The following SMOC2 variants were observed in gnomAD, a reference collection of about 807,000 sequenced individuals.
SMOC2 encodes SPARC related modular calcium binding 2.
A neutral mutation model predicts 61.4 loss-of-function variants in SMOC2; 39 were observed. That is an observed-to-expected ratio of 0.64 (90% CI 0.49 to 0.83). SMOC2 has a LOEUF of 0.83. SMOC2 is among the 40% of genes least tolerant of loss of function. The probability of loss-of-function intolerance (pLI) is 0.00; values close to 1 mark genes in which losing one functional copy is unlikely to be tolerated. For missense variants in SMOC2, 556 were observed against 592.9 expected, an observed-to-expected ratio of 0.94 and a Z score of 0.65; for synonymous variants, 247 against 239.9, an observed-to-expected ratio of 1.03 and a Z score of -0.27.
chr6:168,476,641 TG>T (rs1437063206), intron 1 of SMOC2, among the ~76,000 whole-genome samples: 2 of 152,108 alleles, frequency 1.3e-5, no homozygotes, highest in African/African-American at 4.8e-5. Flanking sequence ...TAGATGTGTG[TG>T]TGTACATACA....
chr6:168,573,754 T>G (rs1784729604), intron 7 of SMOC2, among the ~76,000 whole-genome samples: 1 of 152,108 alleles, frequency 6.6e-6, no homozygotes, highest in South Asian at 2.1e-4. Context: ...TGCAGGCTCA[T>G]CTCACCAGCC....
intron 1 of SMOC2, among the ~76,000 whole-genome samples, chr6:168,471,399 C>A (rs147686410): frequency 1.3e-5 from 2 of 152,178 alleles, no homozygotes; most frequent in African/African-American, 4.8e-5. Flanking sequence ...TTCATTCATG[C>A]GGTAACATAG....
chr6:168,468,574 G>A (rs538809381), intron 1 of SMOC2, among the ~76,000 whole-genome samples: 1 of 152,250 alleles, frequency 6.6e-6, no homozygotes, highest in Admixed American at 6.5e-5. Flanking sequence ...TCGCTTTACC[G>A]CCCAGGCTGG....
At chr6:168,469,883 T>C (rs1781932880) in intron 1 of SMOC2, among the ~76,000 whole-genome samples, 1 of 152,268 alleles carries the variant, frequency 6.6e-6, no homozygotes, top group Non-Finnish European at 1.5e-5. Context: ...CATTTGTCTT[T>C]CTCGTTGTCT....
At chr6:168,650,504 G>T (rs1787165090) in intron 9 of SMOC2, among the ~76,000 whole-genome samples, 177 bp from the exon 10 acceptor site, 1 of 152,286 alleles carries the variant, frequency 6.6e-6, no homozygotes, top group South Asian at 2.1e-4. Flanking sequence ...ATTAATAATA[G>T]CTATGGCTCA....
At position 168,475,108 on chromosome 6, in the gene SMOC2, G is replaced by A. The variant is rs1402275341; in HGVS notation, c.84+33654G>A. On this transcript the variant is annotated intron_variant, in intron 1 of 12. Coordinates refer to ENST00000356284, the MANE Select transcript of SMOC2 (RefSeq NM_001166412.2). The surrounding 1 kb of genome is among the most constrained non-coding windows in gnomAD (Gnocchi z 4.6). ...GCACTCATGCCATACACTCTTGTCA[G>A]CTGGTTTCTCATTTTAGGAAACCAC... Among the ~76,000 whole-genome samples the A allele has an allele frequency of 6.6e-6, 1 of 152,114 alleles. No individual in the cohort carries two copies. The highest frequency in any genetic ancestry group is 2.4e-5 in the African/African-American group (1 of 41,440).
chr6:168,581,361 T>C (rs1444599032), intron 7 of SMOC2, among the ~76,000 whole-genome samples: 2 of 152,120 alleles, frequency 1.3e-5, no homozygotes, highest in East Asian at 3.9e-4. Flanking sequence ...GGTGGAAATG[T>C]GTGCCTGGCA....
At chr6:168,442,909 G>T (rs1489210917) in intron 1 of SMOC2, among the ~76,000 whole-genome samples, 1 of 152,224 alleles carries the variant, frequency 6.6e-6, no homozygotes, top group African/African-American at 2.4e-5. Flanking sequence ...TTTCCCTGAA[G>T]ATCCTTTATC....
At position 168,464,998 on chromosome 6, in the gene SMOC2, C is replaced by T. The variant is rs564504858; in HGVS notation, c.84+23544C>T. Reference sequence around the variant, plus strand: ...AGGCTCCACAGACTGCAGGGCAGCCCTGCCCCAGAGAGTGAGTGACTTACG... The same window carrying T: ...AGGCTCCACAGACTGCAGGGCAGCCTTGCCCCAGAGAGTGAGTGACTTACG... On this transcript the variant is annotated intron_variant, in intron 1 of 12. Transcript: ENST00000356284. 5.3e-5 allele frequency among the ~76,000 whole-genome samples: 8 copies of T among 152,306 alleles called. No homozygotes were observed. In the East Asian group the frequency reaches 1.5e-3, roughly 29 times the overall value.
intron 1 of SMOC2, among the ~76,000 whole-genome samples, chr6:168,450,502 C>A (rs1170106797): frequency 6.6e-6 from 1 of 152,160 alleles, no homozygotes; most frequent in Non-Finnish European, 1.5e-5. Flanking sequence ...CCTTCCCAGC[C>A]AGTCCTTCTC....
intron 9 of SMOC2, among the ~76,000 whole-genome samples, chr6:168,648,617 G>A (rs1350315918): frequency 6.6e-6 from 1 of 152,212 alleles, no homozygotes; most frequent in Non-Finnish European, 1.5e-5. Context: ...TTCTTTCTTG[G>A]AAAGTAGCAT....
intron 1 of SMOC2, among the ~76,000 whole-genome samples, chr6:168,471,271 C>G (rs953111884): frequency 6.6e-6 from 1 of 152,136 alleles, no homozygotes; most frequent in African/African-American, 2.4e-5. Context: ...CAGTTTGCTC[C>G]GAGAATTCTA....
At chr6:168,602,157 A>AG (rs1328804384) in intron 8 of SMOC2, among the ~76,000 whole-genome samples, 1 of 152,166 alleles carries the variant, frequency 6.6e-6, no homozygotes, top group Non-Finnish European at 1.5e-5. Context: ...ACACTCTTCC[A>AG]GGGGGGTGTC....
intron 9 of SMOC2, among the ~76,000 whole-genome samples, chr6:168,638,367 T>G (rs888183938): frequency 1.3e-5 from 2 of 152,206 alleles, no homozygotes; most frequent in African/African-American, 2.4e-5. Context: ...GGAACATAAC[T>G]TTAAGAGCAA....
At chr6:168,655,855 G>A (rs534630273) in intron 11 of SMOC2, among the ~76,000 whole-genome samples, 46 of 151,852 alleles carry the variant, frequency 3.0e-4, no homozygotes, top group African/African-American at 1.1e-3. Flanking sequence ...GTATGTGCTC[G>A]ATCCCTTGCA....
intron 7 of SMOC2, among the ~76,000 whole-genome samples, chr6:168,557,942 ACCT>A (rs1279281644): frequency 9.2e-5 from 14 of 152,104 alleles, no homozygotes; most frequent in African/African-American, 3.4e-4. Flanking sequence ...GTGATTTCCA[ACCT>A]CCTCCTGCGG....
At chr6:168,526,778 G>T (rs1783465338) in intron 3 of SMOC2, among the ~76,000 whole-genome samples, 1 of 152,182 alleles carries the variant, frequency 6.6e-6, no homozygotes, top group Admixed American at 6.5e-5. Flanking sequence ...CTGGCTTGCA[G>T]CTTAGAATTT....
chr6:168,615,616 CACCTACAGCCAGCACAGGGCCTCTTCAT>C (rs1786063232), intron 9 of SMOC2, among the ~76,000 whole-genome samples: 1 of 80,910 alleles, frequency 1.2e-5, no homozygotes, highest in African/African-American at 4.8e-5. Flanking sequence ...GGCCTCTTCA[CACCTACAGCCAGCACAGGGCCTCTTCAT>C]ACCTACAGCC....
chr6:168,446,420 A>G (rs970639739), intron 1 of SMOC2, among the ~76,000 whole-genome samples: 4 of 152,208 alleles, frequency 2.6e-5, no homozygotes, highest in Admixed American at 2.0e-4. Context: ...CAAACTTAGA[A>G]TGATGAATTT....
Sources: gnomAD v4.1 joint callset for allele counts (sites outside exome capture counted in the v4.1 genomes callset) on GRCh38, gnomAD v4.1.1 for gene constraint, Gnocchi (gnomAD v3.1) non-coding constraint, MANE v1.5 for transcripts, NCBI Gene and HGNC (gene_info 2026-07-23, HGNC 2026-07-21) for gene names.